Variants in DYNC2H1 observed in about 807,000 individuals in gnomAD.
DYNC2H1 encodes the protein dynein cytoplasmic 2 heavy chain 1.
Under a neutral mutation model 570.0 loss-of-function variants are expected in DYNC2H1, and 410 were observed. The observed-to-expected ratio is 0.72, with a 90% confidence interval of 0.66 to 0.78. The LOEUF (loss-of-function observed/expected upper bound fraction) is 0.78. DYNC2H1 is among the 30% of genes least tolerant of loss of function. DYNC2H1 has a pLI of 0.00. For missense variants in DYNC2H1, 4,865 were observed against 5,046.4 expected (o/e 0.96, Z 1.09); for synonymous variants, 1,688 against 1,677.6 (o/e 1.01, Z -0.15).
At chr11:103,247,102 C>A (rs1864648700) in intron 65 of DYNC2H1, among the ~76,000 whole-genome samples, 1 of 151,690 alleles carries the variant, frequency 6.6e-6, no homozygotes, top group Non-Finnish European at 1.5e-5. Flanking sequence ...ACAATTGGAC[C>A]AGCTAACTGT....
rs370248564 is a variant in DYNC2H1, at chr11:103,124,660, C to T, written c.1662-440C>T. Among the ~76,000 whole-genome samples, 13 of 151,946 alleles carry T rather than the reference C, an allele frequency of 8.6e-5. No homozygotes were observed. The East Asian group carries it at 2.1e-3, about 25-fold the overall frequency. On this transcript the variant is annotated intron_variant, in intron 11 of 88. Transcript: ENST00000375735. ...TGAAACAAAGGGTAGAAGAATGAAA[C>T]GTTTTAATATCTCTACTCCTACCAT...
intron 87 of DYNC2H1, among the ~76,000 whole-genome samples, chr11:103,462,222 G>C (rs1440518746): frequency 1.3e-5 from 2 of 152,010 alleles, no homozygotes; most frequent in Admixed American, 6.6e-5. Context: ...TCATCTGCTT[G>C]CTTCCTTATG....
intron 59 of DYNC2H1, among the ~76,000 whole-genome samples, chr11:103,227,316 T>C (rs1190483867): frequency 6.6e-6 from 1 of 152,164 alleles, no homozygotes; most frequent in African/African-American, 2.4e-5. Flanking sequence ...TATAGGCATT[T>C]AATGCTATGA....
chr11:103,235,791 G>C lies in DYNC2H1; in HGVS notation c.9687G>C (p.Trp3229Cys). 1 of 1,611,386 alleles carries C rather than the reference G, an allele frequency of 6.2e-7. No individual in the cohort carries two copies. Among genetic ancestry groups the C allele is most frequent in the Admixed American group, 1.7e-5 (1 of 59,798 alleles). Reference sequence around the variant, plus strand: ...TGAGAAAAACCTGTTTGGAAGAATGGACCAAGTCAGCTGGTCTTGAGAGTT... The same window carrying C: ...TGAGAAAAACCTGTTTGGAAGAATGCACCAAGTCAGCTGGTCTTGAGAGTT... ...ESLRKTCLEEWTKSAGLEKFD... is the reference protein window; with the variant it reads ...ESLRKTCLEECTKSAGLEKFD... The change falls in exon 62 of 89, where the codon TGG becomes TGC. Residue 3229 changes from tryptophan to cysteine, a missense_variant. Trp to Cys is a radical substitution (Grantham distance 215). Around this residue, in one of 5 missense-constraint regions of DYNC2H1, gnomAD observed 2,401 missense variants for 2,454.6 expected, o/e 0.98. Coordinates refer to ENST00000375735, the MANE Select transcript of DYNC2H1 (RefSeq NM_001377.3).
At chr11:103,397,020 T>C (rs1942428665) in intron 83 of DYNC2H1, among the ~76,000 whole-genome samples, 1 of 152,108 alleles carries the variant, frequency 6.6e-6, no homozygotes, top group South Asian at 2.1e-4. Context: ...ATAGTGCACA[T>C]TGTACTTCAT....
chr11:103,204,900 C>T lies in DYNC2H1; in HGVS notation c.8390C>T (p.Pro2797Leu). 2 of 1,593,522 alleles carry T rather than the reference C, an allele frequency of 1.3e-6. No homozygotes were observed. The highest frequency in any genetic ancestry group is 1.1e-5 in the South Asian group (1 of 88,086). ...SNFMINCESNPALHKKCQVLW... is the reference protein window; with the variant it reads ...SNFMINCESNLALHKKCQVLW... ...TTCATGATAAACTGTGAGAGTAATC[C>T]AGCTTTGCATAAGAAATGCCAGGTG... Residue 2797 changes from proline (P) to leucine (L), a missense_variant, in exon 52 of 89, where the codon CCA becomes CTA. This residue lies in a region of DYNC2H1 where 2,401 missense variants were observed against 2,454.6 expected (regional missense o/e 0.98). Coordinates refer to ENST00000375735, the MANE Select transcript of DYNC2H1 (RefSeq NM_001377.3). This position sits in a 1 kb window ranked among gnomAD's most constrained non-coding sequence, Gnocchi z 4.1.
In DYNC2H1 at chr11:103,305,486, G is replaced by T. The variant is rs936164484; in HGVS notation, c.11382+766G>T. Among the ~76,000 whole-genome samples, 3 of 152,154 alleles carry T rather than the reference G, an allele frequency of 2.0e-5. No individual in the cohort carries two copies. The highest frequency in any genetic ancestry group is 4.4e-5 in the Non-Finnish European group (3 of 68,020). ...AAAGAGCTAGGTTATGGAATACCCT[G>T]AGAACCATGCAGAACATTTTGGAAT... On this transcript the variant is annotated intron_variant, in intron 77 of 88. Coordinates refer to ENST00000375735, the MANE Select transcript of DYNC2H1 (RefSeq NM_001377.3). The surrounding 1 kb of genome is among the most constrained non-coding windows in gnomAD (Gnocchi z 4.3).
In DYNC2H1 at chr11:103,113,652, C is replaced by CTATT; in HGVS notation, c.312_315dup (p.Ser106TyrfsTer2). The CTATT allele has an allele frequency of 6.4e-7, 1 of 1,570,818 alleles. No homozygotes were observed. Among genetic ancestry groups the CTATT allele is most frequent in the Non-Finnish European group, 8.6e-7 (1 of 1,165,100 alleles). On this transcript the variant is annotated frameshift_variant, in exon 2 of 89. Coordinates refer to ENST00000375735, the MANE Select transcript of DYNC2H1 (RefSeq NM_001377.3). LOFTEE classifies it high-confidence loss of function. ...CTTGTTTCATCTATGTTAGAGTCACCTATTAGTTCTCTTTACCAAGCAGTA... is the reference window on the plus strand; with the variant it reads ...CTTGTTTCATCTATGTTAGAGTCACCTATTTATTAGTTCTCTTTACCAAGCAGTA...
In DYNC2H1 at chr11:103,176,332, T is replaced by C; in HGVS notation, c.5772T>C (p.Asp1924=). The part of the protein sequence containing the change: ...DCTRFDALIK[D]VFPGIELKEV... The stretch of plus-strand genomic sequence containing the variant: ...CCCGGTTTGATGCACTGATAAAAGA[T>C]GTCTTTCCGGGAATTGAATTGAAAG... Residue 1924 remains aspartate (D), a synonymous_variant, in exon 37 of 89, where the codon GAT becomes GAC. Coordinates refer to ENST00000375735, the MANE Select transcript of DYNC2H1 (RefSeq NM_001377.3). 6.3e-7 allele frequency: 1 copy of C among 1,578,900 alleles called. No homozygotes were observed.
chr11:103,160,867 CAT>C (rs958188016), intron 28 of DYNC2H1, 63 bp from the exon 29 acceptor site: 7 of 857,954 alleles, frequency 8.2e-6, no homozygotes, highest in African/African-American at 7.0e-5. Context: ...CTATGTGACA[CAT>C]ATTGTATCTA....
chr11:103,315,288 T>C (rs1033474625), intron 79 of DYNC2H1, among the ~76,000 whole-genome samples: 7 of 152,088 alleles, frequency 4.6e-5, no homozygotes, highest in Admixed American at 1.3e-4. Flanking sequence ...ATTTGCCTCT[T>C]GTTTATTGCT....
At chr11:103,122,500 T>G (rs2134722377) in intron 10 of DYNC2H1, among the ~76,000 whole-genome samples, 1 of 152,356 alleles carries the variant, frequency 6.6e-6, no homozygotes, top group Non-Finnish European at 1.5e-5. Flanking sequence ...TGTTTAGCAG[T>G]AATGCTGAAG....
chr11:103,191,002 T>C (rs1862283370), intron 45 of DYNC2H1, among the ~76,000 whole-genome samples: 1 of 146,150 alleles, frequency 6.8e-6, no homozygotes. Context: ...CTATGAACCC[T>C]TCTTAGAATA....
rs117402484 is a variant in DYNC2H1, at chr11:103,420,118, C to T, written c.12367-15825C>T. Among the ~76,000 whole-genome samples the T allele has an allele frequency of 2.5e-3, 385 of 151,882 alleles. 10 individuals are homozygous for T. In the East Asian group the frequency reaches 0.066, roughly 26 times the overall value. ...AATGGAAAGGAATGAATAAAACCTC[C>T]GAGAAATATGGGGCTATGTAAAGAG... On this transcript the variant is annotated intron_variant, in intron 84 of 88. Coordinates refer to ENST00000375735, the MANE Select transcript of DYNC2H1 (RefSeq NM_001377.3).
At position 103,159,044 on chromosome 11, in the gene DYNC2H1, A is replaced by G. The variant is rs1273444745; in HGVS notation, c.4378+17A>G. 1.3e-6 allele frequency: 2 copies of G among 1,579,788 alleles called. No homozygotes were observed. The highest frequency in any genetic ancestry group is 1.7e-6 in the Non-Finnish European group (2 of 1,152,628). ...TTTTTGCTGGTAGGATTCAACATTTATTTAACAGATATTTATTGAGTTTCA... is the reference window on the plus strand; with the variant it reads ...TTTTTGCTGGTAGGATTCAACATTTGTTTAACAGATATTTATTGAGTTTCA... On this transcript the variant is annotated intron_variant, in intron 28 of 88. Transcript: ENST00000375735.
At chr11:103,132,408 C>T (rs1449161688) in intron 13 of DYNC2H1, among the ~76,000 whole-genome samples, 1 of 151,912 alleles carries the variant, frequency 6.6e-6, no homozygotes, top group Non-Finnish European at 1.5e-5. Flanking sequence ...TTTGTAACTG[C>T]CTGTTGAAGC....
intron 84 of DYNC2H1, among the ~76,000 whole-genome samples, chr11:103,414,661 G>GCT (rs1450692196): frequency 1.1e-4 from 17 of 152,208 alleles, no homozygotes; most frequent in African/African-American, 4.1e-4. Context: ...AACTCCTTAA[G>GCT]CTAATAAGTA....
chr11:103,312,159 T>C, intron 79 of DYNC2H1, 126 bp downstream of exon 79: 1 of 914,388 alleles, frequency 1.1e-6, no homozygotes, highest in South Asian at 2.0e-5. Context: ...GGTGGGCGGA[T>C]CACCTGAGGT....
intron 45 of DYNC2H1, among the ~76,000 whole-genome samples, chr11:103,191,240 A>G (rs1419334059): frequency 6.6e-6 from 1 of 151,688 alleles, no homozygotes; most frequent in Non-Finnish European, 1.5e-5. Flanking sequence ...GGGTTTTGCC[A>G]TATTGGCCAG....
Sources: allele counts gnomAD v4.1 joint callset (sites outside exome capture counted in the v4.1 genomes callset), GRCh38; gene constraint gnomAD v4.1.1; regional missense constraint gnomAD v4.1.1; non-coding constraint Gnocchi (gnomAD v3.1); transcripts MANE v1.5; gene names NCBI Gene and HGNC (gene_info 2026-07-23, HGNC 2026-07-21).